WWC1: variants seen among roughly 807,000 people sequenced by gnomAD.
The protein encoded by WWC1 is protein KIBRA.
WWC1 carries 55 observed loss-of-function variants against 138.4 expected under a neutral mutation model. The observed-to-expected ratio is 0.40, with a 90% CI of 0.32 to 0.50. The LOEUF is 0.50. Among genes scored for constraint, WWC1 ranks in the 20% least tolerant of loss-of-function variants. The pLI is 0.72. For synonymous variants in WWC1, 524 were observed against 564.9 expected, an observed-to-expected ratio of 0.93 and a Z score of 1.03; for missense variants, 1,226 against 1,420.4, an observed-to-expected ratio of 0.86 and a Z score of 2.20.
intron 20 of WWC1, among the ~76,000 whole-genome samples, chr5:168,462,659 T>C (rs958681611): frequency 3.3e-5 from 5 of 152,166 alleles, no homozygotes; most frequent in Non-Finnish European, 7.4e-5. Context: ...TCATCCCCTG[T>C]TCCCCTTAAC....
At chr5:168,373,741 AAAAAAAAAAAAAAG>A (rs1443017371) in intron 2 of WWC1, among the ~76,000 whole-genome samples, 1 of 149,116 alleles carries the variant, frequency 6.7e-6, no homozygotes, top group Non-Finnish European at 1.5e-5. Context: ...AAAAAAAAAA[AAAAAAAAAAAAAAG>A]GTGGGGGTGT....
At chr5:168,426,072 T>C (rs1781479858) in intron 11 of WWC1, among the ~76,000 whole-genome samples, 3 of 152,132 alleles carry the variant, frequency 2.0e-5, no homozygotes. Context: ...GAATTATCCA[T>C]GTGTGTACAA....
intron 3 of WWC1, 51 bp from the exon 4 acceptor site, chr5:168,397,673 C>A (rs372295915): frequency 7.7e-4 from 1,230 of 1,604,558 alleles, no homozygotes; most frequent in Non-Finnish European, 9.5e-4. Context: ...GCCAACTTTG[C>A]TGAAATCTGT....
intron 1 of WWC1, among the ~76,000 whole-genome samples, chr5:168,335,675 G>A (rs1251741652): frequency 6.6e-6 from 1 of 152,200 alleles, no homozygotes; most frequent in Non-Finnish European, 1.5e-5. Flanking sequence ...TCTATCTAGT[G>A]GCTCCCAAGC....
At chr5:168,419,925 A>C (rs569178112) in intron 9 of WWC1, among the ~76,000 whole-genome samples, 20 of 152,322 alleles carry the variant, frequency 1.3e-4, no homozygotes, top group African/African-American at 4.6e-4. Context: ...GAGATAGTTT[A>C]CTGAATTGGG....
intron 1 of WWC1, among the ~76,000 whole-genome samples, chr5:168,351,737 A>C (rs1774974820): frequency 1.3e-5 from 2 of 152,190 alleles, no homozygotes; most frequent in Non-Finnish European, 2.9e-5. Flanking sequence ...GGGAGGTTGG[A>C]GGTGGGTGGA....
At chr5:168,377,026 AACTAT>A (rs1352847016) in intron 2 of WWC1, among the ~76,000 whole-genome samples, 1 of 152,230 alleles carries the variant, frequency 6.6e-6, no homozygotes, top group African/African-American at 2.4e-5. Flanking sequence ...TCCAACTTCA[AACTAT>A]ACTATAAGGC....
intron 1 of WWC1, among the ~76,000 whole-genome samples, chr5:168,361,801 A>T (rs1775900483): frequency 6.6e-6 from 1 of 152,126 alleles, no homozygotes; most frequent in Non-Finnish European, 1.5e-5. Flanking sequence ...AAAATAAATC[A>T]CTGGGTGCGG....
intron 1 of WWC1, among the ~76,000 whole-genome samples, chr5:168,307,340 C>T (rs548881373): frequency 5.9e-5 from 9 of 152,330 alleles, no homozygotes; most frequent in Non-Finnish European, 8.8e-5. Flanking sequence ...CAACCCCGAA[C>T]TAGTCCTGGT....
rs374780135 is a variant in WWC1 at position 168,424,055 on chromosome 5, G to A, written c.1797G>A (p.Lys599=). 5.7e-5 allele frequency: 92 copies of A among 1,600,862 alleles called. No individual in the cohort carries two copies. Among genetic ancestry groups the A allele is most frequent in the Non-Finnish European group, 7.4e-5 (87 of 1,173,604 alleles). ...YRLEEPGTEG[K]QLGQAVNTAQ... ...TGGAGGAACCAGGAACGGAGGGCAA[G>A]CAGCTGGGCCAAGGTAGAGAGCACC... Residue 599 remains lysine, a synonymous_variant, in exon 11 of 23, where the codon AAG becomes AAA. Coordinates refer to ENST00000265293, the MANE Select transcript of WWC1 (RefSeq NM_015238.3).
intron 13 of WWC1, among the ~76,000 whole-genome samples, chr5:168,429,762 C>T (rs1219217039): frequency 6.6e-6 from 1 of 151,756 alleles, no homozygotes; most frequent in Non-Finnish European, 1.5e-5. Context: ...GATGAAACCC[C>T]ATCTCTACTA....
At chr5:168,457,219 C>T (rs1756417394) in intron 19 of WWC1, among the ~76,000 whole-genome samples, 1 of 147,010 alleles carries the variant, frequency 6.8e-6, no homozygotes, top group African/African-American at 2.5e-5. Flanking sequence ...TCAGCTCAAG[C>T]TTAGGTCTTT....
chr5:168,325,171 C>G (rs1365105313), intron 1 of WWC1, among the ~76,000 whole-genome samples: 1 of 152,184 alleles, frequency 6.6e-6, no homozygotes, highest in Non-Finnish European at 1.5e-5. Context: ...TCCTCCTTGT[C>G]CTCTGAGATG....
intron 3 of WWC1, among the ~76,000 whole-genome samples, chr5:168,395,293 A>T (rs770785017): frequency 1.3e-5 from 2 of 152,144 alleles, no homozygotes; most frequent in Non-Finnish European, 2.9e-5. Context: ...TGCTCCTAGA[A>T]CAGACGTCCC....
chr5:168,449,388 C>T (rs1755589311), intron 17 of WWC1, among the ~76,000 whole-genome samples: 1 of 152,112 alleles, frequency 6.6e-6, no homozygotes, highest in Non-Finnish European at 1.5e-5. Context: ...TTGAACAAGG[C>T]CTCAGGCCTC....
intron 1 of WWC1, among the ~76,000 whole-genome samples, chr5:168,319,660 C>G (rs1369471838): frequency 6.6e-6 from 1 of 152,144 alleles, no homozygotes; most frequent in Non-Finnish European, 1.5e-5. Context: ...GCCACTGCAC[C>G]CAGCTCATTT....
chr5:168,310,193 G>A (rs1268882019), intron 1 of WWC1, among the ~76,000 whole-genome samples: 3 of 152,056 alleles, frequency 2.0e-5, no homozygotes, highest in Non-Finnish European at 4.4e-5. Context: ...GTCTTAAGAA[G>A]ACCTTTCCCC....
At chr5:168,366,373 T>A (rs1455049359) in intron 1 of WWC1, among the ~76,000 whole-genome samples, 1 of 152,192 alleles carries the variant, frequency 6.6e-6, no homozygotes, top group Non-Finnish European at 1.5e-5. Flanking sequence ...TTGTTTCCCA[T>A]GGAAGAGCTC....
At chr5:168,346,796 G>A (rs993642943) in intron 1 of WWC1, among the ~76,000 whole-genome samples, 4 of 152,248 alleles carry the variant, frequency 2.6e-5, no homozygotes, top group African/African-American at 9.6e-5. Flanking sequence ...ATTTTTTAAT[G>A]TGACAATGGA....
Sources: allele counts gnomAD v4.1 joint callset (sites outside exome capture counted in the v4.1 genomes callset), GRCh38; gene constraint gnomAD v4.1.1; transcripts MANE v1.5; gene names NCBI Gene and HGNC (gene_info 2026-07-23, HGNC 2026-07-21).